RBFOX1: variants seen among roughly 807,000 people sequenced by gnomAD.
RBFOX1 encodes the protein RNA binding fox-1 homolog 1, also known as RNA binding protein fox-1 homolog 1.
A neutral mutation model predicts 57.7 loss-of-function variants in RBFOX1; 8 were observed. That is an observed-to-expected ratio of 0.14 (90% CI 0.08 to 0.25). The LOEUF is 0.25. RBFOX1 is among the 10% of genes least tolerant of loss of function. The probability of loss-of-function intolerance (pLI) is 1.00; values close to 1 mark genes in which losing one functional copy is unlikely to be tolerated. For synonymous variants in RBFOX1, 326 were observed against 222.4 expected, an observed-to-expected ratio of 1.47 and a Z score of -4.15; for missense variants, 611 against 548.5, an observed-to-expected ratio of 1.11 and a Z score of -1.14.
intron 4 of RBFOX1, among the ~76,000 whole-genome samples, chr16:7,474,884 A>C: frequency 6.6e-6 from 1 of 152,266 alleles, no homozygotes; most frequent in South Asian, 2.1e-4. Flanking sequence ...ACCTGAATCC[A>C]TTCATCCACT....
intron 2 of RBFOX1, among the ~76,000 whole-genome samples, chr16:6,351,134 C>G (rs2086280752): frequency 6.6e-6 from 1 of 152,014 alleles, no homozygotes; most frequent in Non-Finnish European, 1.5e-5. Context: ...GAGTCCCTGT[C>G]TTGACCTGGG....
intron 6 of RBFOX1, among the ~76,000 whole-genome samples, chr16:7,582,840 A>T (rs1163967840): frequency 6.6e-6 from 1 of 152,180 alleles, no homozygotes; most frequent in Non-Finnish European, 1.5e-5. Flanking sequence ...CTCTTGTTAA[A>T]TATAGGCATG....
At chr16:7,695,266 ATGTCAG>A (rs1395872878) in intron 14 of RBFOX1, among the ~76,000 whole-genome samples, 3 of 152,210 alleles carry the variant, frequency 2.0e-5, no homozygotes, top group Non-Finnish European at 4.4e-5. Flanking sequence ...TATCCATCAA[ATGTCAG>A]ATTATCTCCC....
chr16:7,358,931 G>A (rs998578770), intron 4 of RBFOX1, among the ~76,000 whole-genome samples: 4 of 152,134 alleles, frequency 2.6e-5, no homozygotes, highest in Admixed American at 1.3e-4. Flanking sequence ...TTGGAATTTC[G>A]GATCCATAAA....
chr16:5,856,219 A>ATATATATGTATATATATGTG lies in RBFOX1; in HGVS notation c.319-11077_319-11076insGTATATATATGTGTATATAT, dbSNP rs1399919901. Among the ~76,000 whole-genome samples the ATATATATGTATATATATGTG allele has an allele frequency of 8.7e-3, 299 of 34,480 alleles. 24 individuals carry two copies. The highest frequency in any genetic ancestry group is 0.022 in the African/African-American group (283 of 13,162). 22.6% of individuals were successfully genotyped at this position (34,480 alleles called of 152,430 possible). ...TATATATATATATACATATATATGT[A>ATATATATGTATATATATGTG]TATATATATGTATATATATGTGTAT... On this transcript the variant is annotated intron_variant, in intron 3 of 19. Coordinates refer to the RBFOX1 transcript ENST00000641259.
At chr16:7,136,897 G>A (rs1477283723) in intron 4 of RBFOX1, among the ~76,000 whole-genome samples, 2 of 152,190 alleles carry the variant, frequency 1.3e-5, no homozygotes, top group African/African-American at 4.8e-5. Context: ...GCCTGGGCAG[G>A]AAGGAGGCAT....
chr16:6,560,450 C>A (rs2097165842), intron 2 of RBFOX1, among the ~76,000 whole-genome samples: 1 of 152,082 alleles, frequency 6.6e-6, no homozygotes, highest in South Asian at 2.1e-4. Flanking sequence ...TTTGGAAGAG[C>A]ATTCCAGGCA....
chr16:6,961,786 C>G (rs754761183), intron 3 of RBFOX1, among the ~76,000 whole-genome samples: 17 of 152,210 alleles, frequency 1.1e-4, no homozygotes, highest in Non-Finnish European at 1.9e-4. Context: ...TGAGAGTGTC[C>G]TTTAGCATGC....
intron 3 of RBFOX1, among the ~76,000 whole-genome samples, chr16:6,815,897 C>T (rs557243876): frequency 6.6e-6 from 1 of 152,220 alleles, no homozygotes; most frequent in Non-Finnish European, 1.5e-5. Context: ...AAATAATTTA[C>T]TTCCACTGAA....
intron 4 of RBFOX1, among the ~76,000 whole-genome samples, chr16:5,886,523 A>G (rs1026443244): frequency 1.3e-5 from 2 of 152,234 alleles, no homozygotes; most frequent in East Asian, 1.9e-4. Context: ...TAAAACAGCA[A>G]TAACTAACAT....
intron 1 of RBFOX1, among the ~76,000 whole-genome samples, chr16:6,251,672 C>T (rs1451556549): frequency 6.6e-6 from 1 of 152,082 alleles, no homozygotes; most frequent in African/African-American, 2.4e-5. Context: ...GAGTTTGGTG[C>T]ATCAGTACAT....
intron 4 of RBFOX1, among the ~76,000 whole-genome samples, chr16:7,364,683 C>G (rs529830286): frequency 3.9e-5 from 6 of 152,020 alleles, no homozygotes; most frequent in Admixed American, 1.3e-4. Flanking sequence ...GAATGATCCT[C>G]TAGTCACTTT....
intron 4 of RBFOX1, among the ~76,000 whole-genome samples, chr16:7,069,695 C>T (rs1026335773): frequency 5.3e-5 from 8 of 152,134 alleles, no homozygotes; most frequent in South Asian, 2.1e-4. Flanking sequence ...CTTCCTCATG[C>T]GCTAGAGTAA....
At chr16:5,607,138 G>T (rs964160910) in intron 3 of RBFOX1, among the ~76,000 whole-genome samples, 3 of 152,116 alleles carry the variant, frequency 2.0e-5, no homozygotes, top group African/African-American at 7.2e-5. Flanking sequence ...CCAGCTCTAC[G>T]CCCAGACTCC....
chr16:7,156,426 C>G (rs1212633665), intron 4 of RBFOX1, among the ~76,000 whole-genome samples: 1 of 151,728 alleles, frequency 6.6e-6, no homozygotes, highest in Non-Finnish European at 1.5e-5. Context: ...TATAGTTGTA[C>G]ATACACATGT....
chr16:7,287,524 C>A (rs932410754), intron 4 of RBFOX1, among the ~76,000 whole-genome samples: 1 of 152,134 alleles, frequency 6.6e-6, no homozygotes. Flanking sequence ...GAGGCTCTGA[C>A]CTGGGGTATA....
At chr16:6,848,646 A>C in intron 3 of RBFOX1, among the ~76,000 whole-genome samples, 1 of 151,996 alleles carries the variant, frequency 6.6e-6, no homozygotes, top group South Asian at 2.1e-4. Flanking sequence ...GGAAGGAAGG[A>C]AAGGAGGGAG....
At chr16:7,268,912 C>G (rs181035320) in intron 4 of RBFOX1, among the ~76,000 whole-genome samples, 1 of 151,868 alleles carries the variant, frequency 6.6e-6, no homozygotes, top group African/African-American at 2.4e-5. Flanking sequence ...TGGCAAATGC[C>G]TGCAATCCCA....
chr16:5,791,595 A>G (rs1366448241), intron 3 of RBFOX1, among the ~76,000 whole-genome samples: 1 of 152,162 alleles, frequency 6.6e-6, no homozygotes, highest in Non-Finnish European at 1.5e-5. Context: ...GGTTCCAGGA[A>G]CAAGGGGTCT....
Sources: gnomAD v4.1 joint callset for allele counts (sites outside exome capture counted in the v4.1 genomes callset) on GRCh38, gnomAD v4.1.1 for gene constraint, MANE v1.5 for transcripts, NCBI Gene and HGNC (gene_info 2026-07-23, HGNC 2026-07-21) for gene names.